GGTA1: variants seen among roughly 807,000 people sequenced by gnomAD.
GGTA1 encodes inactive N-acetyllactosaminide alpha-1,3-galactosyltransferase.
In GGTA1, 5 loss-of-function variants were observed where a neutral mutation model predicts 2.6. The observed-to-expected ratio is 1.92, with a 90% confidence interval of 1.00 to 4.04. The LOEUF (loss-of-function observed/expected upper bound fraction) is 4.04. GGTA1 is among the 30% of genes most tolerant of loss of function. The pLI, the probability that GGTA1 is intolerant of heterozygous loss-of-function variation, is 0.00. For missense variants in GGTA1, 50 were observed against 16.7 expected (o/e 2.99, Z -3.47); for synonymous variants, 17 against 5.0 (o/e 3.38, Z -3.19).
chr9:121,479,465 C>T, intron 1 of GGTA1: 1 of 217,562 alleles, frequency 4.6e-6, no homozygotes, highest in Non-Finnish European at 9.3e-6. Flanking sequence ...GAGCTGTGTG[C>T]CAAGGCAGAA....
At chr9:121,488,739 C>T (rs1187352428) in intron 1 of GGTA1, among the ~76,000 whole-genome samples, 3 of 151,218 alleles carry the variant, frequency 2.0e-5, no homozygotes, top group African/African-American at 4.9e-5. Context: ...AAATTAGCCT[C>T]TGTCTCAAAA....
chr9:121,499,538 C>A (rs1336942465), intron 1 of GGTA1, 112 bp downstream of exon 1: 1 of 152,560 alleles, frequency 6.6e-6, no homozygotes, highest in Non-Finnish European at 1.5e-5. Context: ...CGGGCAGCGC[C>A]GGAGCAGCGG....
chr9:121,479,190 A>C, intron 1 of GGTA1: 1 of 441,244 alleles, frequency 2.3e-6, no homozygotes, highest in Non-Finnish European at 4.5e-6. Context: ...TGACCCCAGC[A>C]TGGCAGAAGC....
rs557862510 is a variant in GGTA1, at chr9:121,481,512, G to A, written c.-9-13581C>T. Among the ~76,000 whole-genome samples the A allele has an allele frequency of 1.2e-4, 18 of 151,288 alleles. No individual in the cohort carries two copies. In the East Asian group the frequency reaches 3.1e-3, roughly 26 times the overall value. On this transcript the variant is annotated intron_variant, in intron 1 of 5. Transcript: ENST00000481799. ...GACCAGCCTAACATGGTGAAACGCCGTCTCTACTAAAAATACAAAAATTAG... is the reference window on the plus strand; with the variant it reads ...GACCAGCCTAACATGGTGAAACGCCATCTCTACTAAAAATACAAAAATTAG...
At chr9:121,497,341 C>T (rs1234366479) in intron 1 of GGTA1, among the ~76,000 whole-genome samples, 1 of 152,186 alleles carries the variant, frequency 6.6e-6, no homozygotes, top group African/African-American at 2.4e-5. Context: ...CCCCCTCCTT[C>T]GGTTGTTCTC....
intron 2 of GGTA1, among the ~76,000 whole-genome samples, chr9:121,467,060 T>C (rs755905169): frequency 2.0e-5 from 3 of 152,040 alleles, no homozygotes; most frequent in Non-Finnish European, 4.4e-5. Context: ...ATATTAATGG[T>C]ACCAAAATAG....
At chr9:121,453,657 T>C (rs141679034), downstream of GGTA1, among the ~76,000 whole-genome samples, 820 of 152,326 alleles carry the variant, frequency 5.4e-3, 3 homozygotes, top group Non-Finnish European at 8.7e-3. Flanking sequence ...AGGCAAGTGA[T>C]TGGGGCAAAG....
intron 1 of GGTA1, among the ~76,000 whole-genome samples, chr9:121,474,108 A>G (rs1828457168): frequency 1.3e-5 from 2 of 152,304 alleles, no homozygotes; most frequent in South Asian, 4.1e-4. Flanking sequence ...GGACCTTCCA[A>G]GTATTAACAC....
At chr9:121,479,149 G>T (rs1180902265) in intron 1 of GGTA1, 3 of 448,852 alleles carry the variant, frequency 6.7e-6, no homozygotes, top group African/African-American at 6.2e-5. Context: ...ACTACTGAGG[G>T]GGCCACCGAG....
chr9:121,485,005 C>T (rs1023664715), intron 1 of GGTA1, among the ~76,000 whole-genome samples: 4 of 152,174 alleles, frequency 2.6e-5, no homozygotes, highest in African/African-American at 9.7e-5. Context: ...TAACTCACTG[C>T]CCCTGGGAAA....
chr9:121,459,224 AGGTG>A (rs1199754940), intron 5 of GGTA1, among the ~76,000 whole-genome samples: 7 of 152,158 alleles, frequency 4.6e-5, no homozygotes, highest in African/African-American at 7.2e-5. Context: ...TGGGAGGCCA[AGGTG>A]GGAGGATCAC....
chr9:121,477,168 A>C (rs1828527122), intron 1 of GGTA1, among the ~76,000 whole-genome samples: 1 of 152,254 alleles, frequency 6.6e-6, no homozygotes, highest in African/African-American at 2.4e-5. Context: ...GGCTGGAGCC[A>C]CCTGAGAAAC....
At chr9:121,499,015 G>C (rs1829049997) in intron 1 of GGTA1, among the ~76,000 whole-genome samples, 1 of 151,952 alleles carries the variant, frequency 6.6e-6, no homozygotes, top group Non-Finnish European at 1.5e-5. Flanking sequence ...AAGAGTTGGA[G>C]GAAACTCCCG....
At chr9:121,452,676 T>G (rs145961345), downstream of GGTA1, among the ~76,000 whole-genome samples, 1,274 of 151,990 alleles carry the variant, frequency 8.4e-3, 19 homozygotes, top group African/African-American at 0.029. Context: ...GCCCCACCAC[T>G]CCTGGCTAAT....
chr9:121,468,589 C>T (rs185362431), intron 1 of GGTA1, among the ~76,000 whole-genome samples: 191 of 152,290 alleles, frequency 1.3e-3, no homozygotes, highest in African/African-American at 4.4e-3. Context: ...CCTGAGGAAT[C>T]GCCACACTGT....
chr9:121,473,040 T>C (rs1178185853), intron 1 of GGTA1, among the ~76,000 whole-genome samples: 2 of 152,102 alleles, frequency 1.3e-5, no homozygotes, highest in Admixed American at 1.3e-4. Flanking sequence ...AGACTTACAA[T>C]TGGATGACCG....
At chr9:121,480,440 CAG>C (rs748785990) in intron 1 of GGTA1, among the ~76,000 whole-genome samples, 9 of 152,170 alleles carry the variant, frequency 5.9e-5, no homozygotes, top group Non-Finnish European at 1.2e-4. Flanking sequence ...CGACCTGAAA[CAG>C]AGCACACGGA....
At chr9:121,468,943 C>T (rs1828317043) in intron 1 of GGTA1, among the ~76,000 whole-genome samples, 3 of 152,108 alleles carry the variant, frequency 2.0e-5, no homozygotes, top group South Asian at 2.1e-4. Flanking sequence ...ACCTCCATGC[C>T]CTTGGTATAG....
downstream of GGTA1, among the ~76,000 whole-genome samples, chr9:121,453,930 A>G (rs546294744): frequency 6.6e-4 from 100 of 152,050 alleles, 2 homozygotes; most frequent in Non-Finnish European, 2.2e-4. Context: ...CAAACGCTGC[A>G]CCCTGTAGTT....
Sources: gnomAD v4.1 joint callset for allele counts (sites outside exome capture counted in the v4.1 genomes callset) on GRCh38, gnomAD v4.1.1 for gene constraint, MANE v1.5 for transcripts, NCBI Gene and HGNC (gene_info 2026-07-23, HGNC 2026-07-21) for gene names.